The following MARCHF1 variants were observed in gnomAD, a reference collection of about 807,000 sequenced individuals.
MARCHF1 encodes the protein E3 ubiquitin-protein ligase MARCHF1.
Under a neutral mutation model 54.2 loss-of-function variants are expected in MARCHF1, and 40 were observed. That is an observed-to-expected ratio of 0.74 (90% CI 0.57 to 0.96). MARCHF1 has a LOEUF of 0.96. MARCHF1 is among the 40% of genes least tolerant of loss of function. The pLI is 0.00. For synonymous variants in MARCHF1, 236 were observed against 236.3 expected (o/e 1.00, Z 0.01); for missense variants, 586 against 656.5 (o/e 0.89, Z 1.17).
chr4:163,654,901 CTATT>C (rs747811365), intron 5 of MARCHF1, among the ~76,000 whole-genome samples: 9 of 151,426 alleles, frequency 5.9e-5, no homozygotes, highest in Admixed American at 1.3e-4. Flanking sequence ...ATATAGATCT[CTATT>C]TATTTCTATT....
intron 2 of MARCHF1, among the ~76,000 whole-genome samples, chr4:164,056,723 C>T (rs967727846): frequency 6.6e-6 from 1 of 152,192 alleles, no homozygotes; most frequent in Admixed American, 6.5e-5. Flanking sequence ...GCGTGGCATT[C>T]AGGCATTGTC....
At chr4:163,654,979 T>G (rs1743090274) in intron 5 of MARCHF1, among the ~76,000 whole-genome samples, 1 of 151,644 alleles carries the variant, frequency 6.6e-6, no homozygotes, top group Non-Finnish European at 1.5e-5. Context: ...CTCTTTCTGC[T>G]TTCTACTATC....
Position 164,003,487 on chromosome 4 carries a change from A to C in MARCHF1, c.-247-14778T>G, listed in dbSNP as rs552646872. On this transcript the variant is annotated intron_variant, in intron 2 of 9. Transcript: ENST00000514618. Reference sequence around the variant, plus strand: ...ACATAAGTAAAATGTAAAATTATTTAAAGAGAAATATCATGTAAACACTAT... The same window carrying C: ...ACATAAGTAAAATGTAAAATTATTTCAAGAGAAATATCATGTAAACACTAT... 2.3e-4 allele frequency among the ~76,000 whole-genome samples: 35 copies of C among 152,206 alleles called. No homozygotes were observed. In the Middle Eastern group the frequency reaches 0.01, roughly 44 times the overall value.
chr4:163,664,617 C>T (rs1436087767), intron 5 of MARCHF1, among the ~76,000 whole-genome samples: 1 of 151,930 alleles, frequency 6.6e-6, no homozygotes, highest in Non-Finnish European at 1.5e-5. Flanking sequence ...GTTTTAAGTT[C>T]CTAACATGCT....
chr4:164,068,408 G>T (rs967984735), intron 2 of MARCHF1, among the ~76,000 whole-genome samples: 1 of 152,190 alleles, frequency 6.6e-6, no homozygotes, highest in African/African-American at 2.4e-5. Flanking sequence ...AGAGGCATGG[G>T]TGGGAACCGG....
intron 1 of MARCHF1, among the ~76,000 whole-genome samples, chr4:164,363,092 G>A (rs1438842939): frequency 6.6e-6 from 1 of 151,968 alleles, no homozygotes; most frequent in Non-Finnish European, 1.5e-5. Context: ...ATATACATAT[G>A]TTCTATTCTG....
At chr4:164,070,989 C>T in intron 2 of MARCHF1, among the ~76,000 whole-genome samples, 1 of 152,168 alleles carries the variant, frequency 6.6e-6, no homozygotes, top group East Asian at 1.9e-4. Flanking sequence ...GTCATTTTCT[C>T]TTGCCGCTGC....
At chr4:164,074,147 A>T (rs534750093) in intron 2 of MARCHF1, among the ~76,000 whole-genome samples, 1 of 152,344 alleles carries the variant, frequency 6.6e-6, no homozygotes, top group East Asian at 1.9e-4. Flanking sequence ...AATAACCACA[A>T]TGCAAATTAA....
intron 1 of MARCHF1, among the ~76,000 whole-genome samples, chr4:164,291,368 AAACT>A (rs1734279225): frequency 1.3e-5 from 2 of 151,966 alleles, no homozygotes; most frequent in Non-Finnish European, 2.9e-5. Flanking sequence ...AACTTTCTTT[AAACT>A]AACAGTTTGC....
chr4:163,767,232 A>T (rs1215675558), intron 4 of MARCHF1, among the ~76,000 whole-genome samples: 1 of 151,830 alleles, frequency 6.6e-6, no homozygotes, highest in Non-Finnish European at 1.5e-5. Flanking sequence ...AGACAGAAAA[A>T]CTTCTTTTCT....
chr4:164,009,393 T>A (rs1753369868), intron 2 of MARCHF1, among the ~76,000 whole-genome samples: 1 of 152,184 alleles, frequency 6.6e-6, no homozygotes, highest in Admixed American at 6.5e-5. Flanking sequence ...CAAATTCTAC[T>A]CAAACTCTTT....
chr4:163,688,924 T>A (rs929641559), intron 5 of MARCHF1, among the ~76,000 whole-genome samples: 1 of 152,202 alleles, frequency 6.6e-6, no homozygotes, highest in Non-Finnish European at 1.5e-5. Flanking sequence ...AATAAATTCC[T>A]TCTGTTGGAA....
At chr4:163,835,404 A>C (rs1286816160) in intron 4 of MARCHF1, among the ~76,000 whole-genome samples, 2 of 152,208 alleles carry the variant, frequency 1.3e-5, no homozygotes, top group African/African-American at 4.8e-5. Context: ...GTTTGGCCTG[A>C]AGGTTTTCTG....
At chr4:163,786,297 T>G (rs908080346) in intron 4 of MARCHF1, among the ~76,000 whole-genome samples, 1 of 152,024 alleles carries the variant, frequency 6.6e-6, no homozygotes, top group Non-Finnish European at 1.5e-5. Context: ...AAAATTAAAT[T>G]GTGTAATCAT....
At chr4:164,242,596 T>A (rs1732805831) in intron 1 of MARCHF1, among the ~76,000 whole-genome samples, 1 of 152,174 alleles carries the variant, frequency 6.6e-6, no homozygotes, top group African/African-American at 2.4e-5. Flanking sequence ...GGAATGCAGT[T>A]CCTCACCAGC....
At chr4:163,956,943 A>T (rs1268411543) in intron 3 of MARCHF1, among the ~76,000 whole-genome samples, 1 of 152,066 alleles carries the variant, frequency 6.6e-6, no homozygotes, top group Admixed American at 6.6e-5. Context: ...TTAACTCAGA[A>T]GATTTATTCA....
intron 1 of MARCHF1, among the ~76,000 whole-genome samples, chr4:164,182,022 T>A (rs1213057459): frequency 6.6e-6 from 1 of 152,100 alleles, no homozygotes; most frequent in Non-Finnish European, 1.5e-5. Flanking sequence ...GAACTTCAGG[T>A]AAAAGGTAAT....
At chr4:164,382,985 C>T (rs1422708926) in intron 1 of MARCHF1, among the ~76,000 whole-genome samples, 1 of 152,244 alleles carries the variant, frequency 6.6e-6, no homozygotes, top group Non-Finnish European at 1.5e-5. Context: ...GGCCATGCCT[C>T]TGATTCCATT....
chr4:164,230,123 C>T lies in MARCHF1; in HGVS notation c.-322-118461G>A, dbSNP rs1016423190. Among the ~76,000 whole-genome samples the T allele has an allele frequency of 5.9e-5, 9 of 152,220 alleles. No individual in the cohort carries two copies. In the East Asian group the frequency reaches 1.4e-3, roughly 23 times the overall value. ...AAAAACATTGATATAAGGCTGGGCA[C>T]GGTGCCTCATGCCTGTAATCCCAGC... is the stretch of plus-strand genomic sequence containing the variant. On this transcript the variant is annotated intron_variant, in intron 1 of 9. Coordinates refer to ENST00000514618, the MANE Select transcript of MARCHF1 (RefSeq NM_001394959.1).
Sources: gnomAD v4.1 joint callset for allele counts (sites outside exome capture counted in the v4.1 genomes callset) on GRCh38, gnomAD v4.1.1 for gene constraint, MANE v1.5 for transcripts, NCBI Gene and HGNC (gene_info 2026-07-23, HGNC 2026-07-21) for gene names.